Variants in PACRGL observed in about 807,000 individuals in gnomAD.
PACRGL encodes parkin coregulated like, also known as PACRG-like protein.
PACRGL carries 38 observed loss-of-function variants against 34.5 expected under a neutral mutation model. That is an observed-to-expected ratio of 1.10 (90% confidence interval 0.85 to 1.44). PACRGL has a LOEUF of 1.44. PACRGL is among the 40% of genes most tolerant of loss of function. The pLI is 0.00. For missense variants in PACRGL, 305 were observed against 281.4 expected, an observed-to-expected ratio of 1.08 and a Z score of -0.60; for synonymous variants, 128 against 100.1, an observed-to-expected ratio of 1.28 and a Z score of -1.66.
At position 20,748,798 on chromosome 4, in the gene PACRGL, A is replaced by C. The variant is rs1752985627; in HGVS notation, c.*57-3767A>C. Among the ~76,000 whole-genome samples the C allele has an allele frequency of 2.0e-5, 3 of 149,962 alleles. No homozygotes were observed. In the South Asian group the frequency reaches 6.3e-4, roughly 31 times the overall value. On this transcript the variant is annotated intron_variant, in intron 8 of 8. Transcript: ENST00000507634. ...GCTGATCAGAGTTCATGTTGGGTTT[A>C]TTCTCCTAATGTTTAAATCAATATA...
chr4:20,754,832 A>G (rs1435665533), downstream of PACRGL, among the ~76,000 whole-genome samples: 1 of 152,190 alleles, frequency 6.6e-6, no homozygotes, highest in Admixed American at 6.5e-5. Context: ...AGCTCTATCC[A>G]AGTTTTAGTA....
At chr4:20,713,245 T>C in intron 6 of PACRGL, 187 bp from the exon 7 acceptor site, 1 of 581,254 alleles carries the variant, frequency 1.7e-6, no homozygotes, top group South Asian at 2.5e-5. Flanking sequence ...ATTTGTTTTT[T>C]GCTTCTAGAT....
At chr4:20,707,465 G>A (rs952556301) in intron 3 of PACRGL, among the ~76,000 whole-genome samples, 2 of 152,156 alleles carry the variant, frequency 1.3e-5, no homozygotes, top group African/African-American at 4.8e-5. Context: ...GAGATGTGCA[G>A]GTGGCAAAAA....
chr4:20,717,427 G>A (rs1202391879), intron 7 of PACRGL, among the ~76,000 whole-genome samples: 1 of 152,150 alleles, frequency 6.6e-6, no homozygotes, highest in Non-Finnish European at 1.5e-5. Flanking sequence ...GTCCTGAATG[G>A]TATTGCCTAG....
rs1435593307 is a variant in PACRGL at position 20,727,573 on chromosome 4, T to A, written c.*232T>A. ...ACAATTTTGAGGTTTATTTTTTGTA[T>A]TTTTATTATTTGTGCGAAGAACCAT... On this transcript the variant is annotated 3_prime_UTR_variant, in exon 9 of 9. Transcript: ENST00000503585. The A allele has an allele frequency of 1.5e-5, 6 of 390,178 alleles. No homozygotes were observed. The East Asian group carries it at 2.2e-4, about 15-fold the overall frequency. The allele number at this position is 390,178 out of a possible 1,614,324, so 24.2% of individuals were successfully genotyped here.
chr4:20,757,038 G>C (rs1754533652), downstream of PACRGL, among the ~76,000 whole-genome samples: 1 of 152,056 alleles, frequency 6.6e-6, no homozygotes, highest in Non-Finnish European at 1.5e-5. Flanking sequence ...TTCTTGTTGA[G>C]TCTAAATCCC....
chr4:20,756,523 A>G (rs546102798), downstream of PACRGL, among the ~76,000 whole-genome samples: 28 of 152,234 alleles, frequency 1.8e-4, no homozygotes, highest in South Asian at 4.6e-3. Flanking sequence ...ACCCAGCACT[A>G]TGATCAGTTT....
At chr4:20,706,116 T>G (rs983595176) in intron 3 of PACRGL, among the ~76,000 whole-genome samples, 1 of 151,894 alleles carries the variant, frequency 6.6e-6, no homozygotes, top group Non-Finnish European at 1.5e-5. Flanking sequence ...GGGATAACAT[T>G]TTTCACTTTA....
At chr4:20,745,154 C>G (rs1752144806) in intron 8 of PACRGL, among the ~76,000 whole-genome samples, 1 of 152,180 alleles carries the variant, frequency 6.6e-6, no homozygotes, top group African/African-American at 2.4e-5. Context: ...GGGTCCCACC[C>G]TTAGGTTGTA....
intron 8 of PACRGL, among the ~76,000 whole-genome samples, chr4:20,726,160 G>C (rs778385367): frequency 9.9e-5 from 15 of 152,014 alleles, no homozygotes; most frequent in Non-Finnish European, 1.6e-4. Context: ...TTTGTGGTGG[G>C]AGTGGAGGGG....
intron 3 of PACRGL, among the ~76,000 whole-genome samples, chr4:20,706,580 T>C (rs1246793730): frequency 6.6e-6 from 1 of 152,008 alleles, no homozygotes; most frequent in Non-Finnish European, 1.5e-5. Flanking sequence ...TGGAAATGAA[T>C]CTTTTTTTTT....
chr4:20,717,731 C>T (rs1160320281), intron 7 of PACRGL, among the ~76,000 whole-genome samples: 1 of 152,212 alleles, frequency 6.6e-6, no homozygotes, highest in Non-Finnish European at 1.5e-5. Flanking sequence ...GTTCTGGTTA[C>T]TGTAGCCTTG....
At chr4:20,743,920 GAAAA>G (rs56209007) in intron 8 of PACRGL, among the ~76,000 whole-genome samples, 1 of 141,802 alleles carries the variant, frequency 7.1e-6, no homozygotes, top group South Asian at 2.2e-4. Context: ...AAATTTACAA[GAAAA>G]AAAAAAACCC....
downstream of PACRGL, among the ~76,000 whole-genome samples, chr4:20,735,526 T>A (rs1387488359): frequency 1.6e-5 from 2 of 123,944 alleles, no homozygotes. Flanking sequence ...GTGTTTTTTT[T>A]TTTGTTTTTT....
At chr4:20,745,078 T>A (rs897400908) in intron 8 of PACRGL, among the ~76,000 whole-genome samples, 12 of 152,174 alleles carry the variant, frequency 7.9e-5, no homozygotes, top group Non-Finnish European at 8.8e-5. Flanking sequence ...TGTGCTTCTT[T>A]CCTTGCTCAA....
intron 8 of PACRGL, among the ~76,000 whole-genome samples, chr4:20,751,314 G>A (rs2149342937): frequency 6.6e-6 from 1 of 152,262 alleles, no homozygotes; most frequent in South Asian, 2.1e-4. Context: ...TTGATACATT[G>A]CAGGAAGAAA....
intron 7 of PACRGL, among the ~76,000 whole-genome samples, chr4:20,717,534 T>A (rs1162343469): frequency 6.6e-6 from 1 of 152,214 alleles, no homozygotes; most frequent in Non-Finnish European, 1.5e-5. Flanking sequence ...AGGGATCCAG[T>A]TTCAGCTTTC....
the PACRGL span, among the ~76,000 whole-genome samples, chr4:20,759,080 AC>A: frequency 1.8e-4 from 28 of 152,184 alleles, no homozygotes; most frequent in African/African-American, 6.0e-4. Flanking sequence ...AGAAAAAAAA[AC>A]GTAGATGTAA....
intron 7 of PACRGL, among the ~76,000 whole-genome samples, chr4:20,717,955 T>C (rs1740968597): frequency 6.6e-6 from 1 of 152,202 alleles, no homozygotes; most frequent in South Asian, 2.1e-4. Flanking sequence ...TATTGATTCT[T>C]CCTATCCATG....
Sources: allele counts gnomAD v4.1 joint callset (sites outside exome capture counted in the v4.1 genomes callset), GRCh38; gene constraint gnomAD v4.1.1; transcripts MANE v1.5; gene names NCBI Gene and HGNC (gene_info 2026-07-23, HGNC 2026-07-21).